The following CASC3 variants were observed in gnomAD, a reference collection of about 807,000 sequenced individuals.
The protein encoded by CASC3 is protein CASC3.
Under a neutral mutation model 80.5 loss-of-function variants are expected in CASC3, and 30 were observed. That is an observed-to-expected ratio of 0.37 (90% CI 0.28 to 0.51). The LOEUF (loss-of-function observed/expected upper bound fraction) is 0.51. Ranked by LOEUF, CASC3 falls within the 20% of genes least tolerant of loss-of-function variation. The pLI is 0.94. For missense variants in CASC3, 824 were observed against 922.2 expected (o/e 0.89, Z 1.38); for synonymous variants, 312 against 333.6 (o/e 0.94, Z 0.70).
In CASC3 at chr17:40,144,006, C is replaced by T. The variant is rs552395381; in HGVS notation, c.297+2399C>T. 7.9e-5 allele frequency among the ~76,000 whole-genome samples: 12 copies of T among 152,160 alleles called. No individual in the cohort carries two copies. In the South Asian group the frequency reaches 2.5e-3, roughly 32 times the overall value. ...GTGGCTCACACCTGTAATCCCAGCA[C>T]TTTGGGAGGCCGAGGCGGGTGAATC... On this transcript the variant is annotated intron_variant, in intron 3 of 13. Transcript: ENST00000264645.
At chr17:40,152,219 C>T (rs1989028149) in intron 3 of CASC3, among the ~76,000 whole-genome samples, 3 of 152,210 alleles carry the variant, frequency 2.0e-5, no homozygotes, top group Admixed American at 2.0e-4. Context: ...CTCACTGCAA[C>T]CTCAAACTCC....
At chr17:40,169,530 G>A in intron 12 of CASC3, 68 bp from the exon 13 acceptor site, 1 of 1,574,582 alleles carries the variant, frequency 6.4e-7, no homozygotes, top group Non-Finnish European at 8.6e-7. Context: ...TCATTTTCTG[G>A]GTGTGTTTCT....
At chr17:40,167,636 G>A (rs527441986) in intron 9 of CASC3, 24 bp downstream of exon 9, 17 of 1,572,808 alleles carry the variant, frequency 1.1e-5, no homozygotes, top group Non-Finnish European at 1.5e-5. Context: ...TACTGTTGGG[G>A]TACTTTTCTT....
rs2145187465 is a variant in CASC3 at position 40,171,521 on chromosome 17, CTACCT to C, written c.*1119_*1123del. ...CCTGCTACAAGTGTTTTAGATGTTA[CTACCT>C]TATTTTCCCCGAATTCTATTTTTGT... On this transcript the variant is annotated 3_prime_UTR_variant, in exon 14 of 14. Coordinates refer to ENST00000264645, the MANE Select transcript of CASC3 (RefSeq NM_007359.5). 3.0e-6 allele frequency: 3 copies of C among 989,254 alleles called. No individual in the cohort carries two copies. The highest frequency in any genetic ancestry group is 3.6e-6 in the Non-Finnish European group (3 of 831,888). 61.3% of individuals were successfully genotyped at this position (989,254 alleles called of 1,614,324 possible). A position where few individuals can be genotyped will look rare whatever the true frequency, so the allele number is the denominator to read the frequency against.
At chr17:40,156,349 CCTTT>C (rs1341697835) in intron 3 of CASC3, among the ~76,000 whole-genome samples, 2 of 152,096 alleles carry the variant, frequency 1.3e-5, no homozygotes, top group African/African-American at 4.8e-5. Flanking sequence ...TATTCTGTTA[CCTTT>C]CTGAGAGTCC....
chr17:40,144,797 C>G lies in CASC3; in HGVS notation c.297+3190C>G, dbSNP rs904494060. On this transcript the variant is annotated intron_variant, in intron 3 of 13. Coordinates refer to ENST00000264645, the MANE Select transcript of CASC3 (RefSeq NM_007359.5). Reference sequence around the variant, plus strand: ...GTTCAACCAGTCCTCCTGCCTTGACCTCCTGAAGTGCTGAGATTACAAGCA... The same window carrying G: ...GTTCAACCAGTCCTCCTGCCTTGACGTCCTGAAGTGCTGAGATTACAAGCA... Among the ~76,000 whole-genome samples, 5 of 147,304 alleles carry G rather than the reference C, an allele frequency of 3.4e-5. No homozygotes were observed. In the Admixed American group the frequency reaches 3.4e-4, roughly 10 times the overall value.
rs1209194030 is a variant in CASC3 at position 40,171,864 on chromosome 17, G to GA, written c.*1460dup. 4.2e-6 allele frequency: 5 copies of GA among 1,201,466 alleles called. No individual in the cohort carries two copies. The African/African-American group carries it at 6.3e-5, about 15-fold the overall frequency. 74.4% of individuals were successfully genotyped at this position (1,201,466 alleles called of 1,614,324 possible). ...TCACAGGTGTGGGATGGAGAGTGGG[G>GA]AGAGGCACTTAATCTGTAACCCCCA... On this transcript the variant is annotated 3_prime_UTR_variant, in exon 14 of 14. Coordinates refer to ENST00000264645, the MANE Select transcript of CASC3 (RefSeq NM_007359.5).
intron 5 of CASC3, 102 bp downstream of exon 5, chr17:40,162,255 A>G: frequency 3.3e-6 from 4 of 1,221,354 alleles, no homozygotes; most frequent in Non-Finnish European, 4.5e-6. Flanking sequence ...ATTTTAAGAT[A>G]AGTATTATGA....
chr17:40,144,656 C>T (rs1442963716), intron 3 of CASC3, among the ~76,000 whole-genome samples: 2 of 145,048 alleles, frequency 1.4e-5, no homozygotes, highest in African/African-American at 5.2e-5. Flanking sequence ...GTGCCCAGCC[C>T]TCTTTTTTTT....
intron 3 of CASC3, among the ~76,000 whole-genome samples, chr17:40,150,551 C>A (rs923224142): frequency 5.3e-5 from 8 of 151,572 alleles, no homozygotes; most frequent in African/African-American, 1.9e-4. Flanking sequence ...TGGGATGTTA[C>A]TAGTAGTGAT....
chr17:40,170,318 G>C (rs570997298), intron 13 of CASC3, 129 bp from the exon 14 acceptor site: 1 of 502,252 alleles, frequency 2.0e-6, no homozygotes, highest in Non-Finnish European at 2.6e-6. Context: ...TGGGGGTTTT[G>C]TTGCTTTTGT....
intron 3 of CASC3, among the ~76,000 whole-genome samples, chr17:40,144,898 T>C (rs962335470): frequency 7.3e-5 from 11 of 151,218 alleles, no homozygotes; most frequent in African/African-American, 4.9e-5. Context: ...TATTGCTCTG[T>C]TACCCAGGCT....
intron 7 of CASC3, 127 bp from the exon 8 acceptor site, chr17:40,166,670 G>T (rs984430204): frequency 9.3e-5 from 55 of 593,788 alleles, no homozygotes; most frequent in Non-Finnish European, 1.5e-4. Context: ...AGTTTATAGA[G>T]AATTTTATTA....
Position 40,140,579 on chromosome 17 carries a change from C to G in CASC3, c.31C>G (p.Gln11Glu). Reference sequence around the variant, plus strand: ...GGACCGGCGGCGGCAGCGCGCTTCGCAAGACACCGAGGACGAGGAATCTGG... The same window carrying G: ...GGACCGGCGGCGGCAGCGCGCTTCGGAAGACACCGAGGACGAGGAATCTGG... MADRRRQRAS[Q>E]DTEDEESGAS... is the part of the protein sequence containing the mutation. The change falls in exon 1 of 14, where the codon CAA becomes GAA. Residue 11 changes from glutamine (Q) to glutamate (E), a missense_variant. Coordinates refer to ENST00000264645, the MANE Select transcript of CASC3 (RefSeq NM_007359.5). The G allele has an allele frequency of 6.2e-7, 1 of 1,609,508 alleles. No individual in the cohort carries two copies. The highest frequency in any genetic ancestry group is 8.5e-7 in the Non-Finnish European group (1 of 1,179,516).
intron 3 of CASC3, among the ~76,000 whole-genome samples, chr17:40,160,288 T>C (rs1383978928): frequency 1.3e-5 from 2 of 151,972 alleles, no homozygotes; most frequent in African/African-American, 2.4e-5. Flanking sequence ...AGCTCAGCAG[T>C]TTGAGAACTG....
Position 40,168,337 on chromosome 17 carries a change from A to G in CASC3, c.1885A>G (p.Asn629Asp). ...PTYFSAPGVM[N>D]FGNPSYPYAP... ...TTACTTTTCTGCTCCAGGCGTCATG[A>G]ACTTTGGTAATCCCAGTTACCCTTA... The change falls in exon 11 of 14, where the codon AAC becomes GAC. Residue 629 changes from asparagine (N) to aspartate (D), a missense_variant. Asn to Asp is a conservative substitution (Grantham distance 23). Transcript: ENST00000264645. 1 of 1,614,084 alleles carries G rather than the reference A, an allele frequency of 6.2e-7. No individual in the cohort carries two copies. The highest frequency in any genetic ancestry group is 1.1e-5 in the South Asian group (1 of 91,066).
chr17:40,163,542 C>T lies in CASC3; in HGVS notation c.847C>T (p.Arg283Cys), dbSNP rs546247804. The T allele has an allele frequency of 2.1e-5, 34 of 1,613,960 alleles. No individual in the cohort carries two copies. The Admixed American group carries it at 2.3e-4, about 11-fold the overall frequency. The change falls in exon 7 of 14, where the codon CGC (arginine) becomes TGC (cysteine). Residue 283 changes from arginine to cysteine, a missense_variant. Arg to Cys is a radical substitution (Grantham distance 180). Coordinates refer to ENST00000264645, the MANE Select transcript of CASC3 (RefSeq NM_007359.5). ...WNGERLNKSH[R>C]HQGLGGTLPP... Reference sequence around the variant, plus strand: ...CGGTGAGCGGCTAAACAAGTCTCATCGCCACCAGGGTCTTGGGGGCACCCT... The same window carrying T: ...CGGTGAGCGGCTAAACAAGTCTCATTGCCACCAGGGTCTTGGGGGCACCCT...
At chr17:40,152,841 A>G (rs952289398) in intron 3 of CASC3, among the ~76,000 whole-genome samples, 1 of 151,992 alleles carries the variant, frequency 6.6e-6, no homozygotes, top group Non-Finnish European at 1.5e-5. Context: ...CAGTGTTACA[A>G]TCTCGGCTCA....
intron 3 of CASC3, among the ~76,000 whole-genome samples, chr17:40,154,308 C>A (rs1989090219): frequency 6.6e-6 from 1 of 152,092 alleles, no homozygotes; most frequent in Non-Finnish European, 1.5e-5. Flanking sequence ...ACCTCAGCCT[C>A]CTCAGTAGTT....
Sources: gnomAD v4.1 joint callset for allele counts (sites outside exome capture counted in the v4.1 genomes callset) on GRCh38, gnomAD v4.1.1 for gene constraint, MANE v1.5 for transcripts, NCBI Gene and HGNC (gene_info 2026-07-23, HGNC 2026-07-21) for gene names.